Variants in WWOX observed in about 807,000 individuals in gnomAD.
WWOX encodes the protein WW domain containing oxidoreductase.
Under a neutral mutation model 46.2 loss-of-function variants are expected in WWOX, and 69 were observed. The ratio of observed to expected loss-of-function variants is 1.49; its 90% confidence interval spans 1.23 to 1.82. The LOEUF (loss-of-function observed/expected upper bound fraction) is 1.82. WWOX is among the 40% of genes most tolerant of loss of function. WWOX has a pLI of 0.00. For synonymous variants in WWOX, 359 were observed against 202.6 expected (o/e 1.77, Z -6.56); for missense variants, 919 against 542.6 (o/e 1.69, Z -6.89).
rs189472242 is a variant in WWOX at position 78,221,368 on chromosome 16, A to G, written c.516+57079A>G. Among the ~76,000 whole-genome samples, 435 of 152,334 alleles carry G rather than the reference A, an allele frequency of 2.9e-3. 2 individuals are homozygous for G. The highest frequency in any genetic ancestry group is 0.01 in the African/African-American group (417 of 41,584). Reference sequence around the variant, plus strand: ...GAGGAAGAAGGAAAAAGTGTAATATAAATACATAAAACTTCCTCTAGCTTT... The same window carrying G: ...GAGGAAGAAGGAAAAAGTGTAATATGAATACATAAAACTTCCTCTAGCTTT... On this transcript the variant is annotated intron_variant, in intron 5 of 8. Transcript: ENST00000566780.
At chr16:78,617,279 G>C (rs112758714) in intron 8 of WWOX, among the ~76,000 whole-genome samples, 3 of 151,954 alleles carry the variant, frequency 2.0e-5, no homozygotes, top group Admixed American at 6.6e-5. Flanking sequence ...GCGTGCACCT[G>C]TGGCCTCAGC....
At chr16:78,381,172 A>G (rs1208060324) in intron 5 of WWOX, among the ~76,000 whole-genome samples, 1 of 152,054 alleles carries the variant, frequency 6.6e-6, no homozygotes, top group East Asian at 1.9e-4. Context: ...CACTCCCCAT[A>G]TGGTTTCTTT....
chr16:78,141,032 G>A (rs2033967458), intron 4 of WWOX, among the ~76,000 whole-genome samples: 1 of 152,178 alleles, frequency 6.6e-6, no homozygotes, highest in African/African-American at 2.4e-5. Flanking sequence ...ACTTTCTTAT[G>A]GAGCATGATT....
intron 5 of WWOX, among the ~76,000 whole-genome samples, chr16:78,353,436 C>T (rs9932643): frequency 0.7 from 107,004 of 151,856 alleles, 38,530 homozygotes; most frequent in African/African-American, 0.76. Context: ...CCAAATCTAT[C>T]GATTAATAGA....
intron 8 of WWOX, among the ~76,000 whole-genome samples, chr16:79,043,386 G>A (rs987708116): frequency 6.6e-6 from 1 of 152,068 alleles, no homozygotes; most frequent in African/African-American, 2.4e-5. Context: ...TGTTCTTTGT[G>A]GATTCTGAGG....
intron 8 of WWOX, among the ~76,000 whole-genome samples, chr16:79,110,213 A>C (rs188452052): frequency 1.3e-5 from 2 of 152,152 alleles, no homozygotes; most frequent in African/African-American, 4.8e-5. Flanking sequence ...CTGATTGGCA[A>C]CCACCAGGCA....
chr16:78,128,616 A>G (rs1215215792), intron 4 of WWOX, among the ~76,000 whole-genome samples: 3 of 152,214 alleles, frequency 2.0e-5, no homozygotes, highest in Non-Finnish European at 2.9e-5. Flanking sequence ...TATAACATCA[A>G]CAGAATTGCT....
At chr16:78,710,864 C>G (rs2048430506) in intron 8 of WWOX, among the ~76,000 whole-genome samples, 8 of 151,998 alleles carry the variant, frequency 5.3e-5, no homozygotes, top group Admixed American at 5.2e-4. Flanking sequence ...CGATCCTACT[C>G]ACTCGGCCTC....
intron 8 of WWOX, among the ~76,000 whole-genome samples, chr16:78,773,418 G>C (rs567537828): frequency 5.3e-5 from 8 of 152,192 alleles, no homozygotes; most frequent in Admixed American, 1.3e-4. Context: ...TGGCTGCAGA[G>C]CGCAGACATT....
Position 78,339,791 on chromosome 16 carries a change from C to T in WWOX, c.517-47069C>T, listed in dbSNP as rs28725364. 2.3e-4 allele frequency among the ~76,000 whole-genome samples: 26 copies of T among 115,118 alleles called. 8 individuals are homozygous for T. Among genetic ancestry groups the T allele is most frequent in the Non-Finnish European group, 4.1e-4 (20 of 48,728 alleles). The allele number at this position is 115,118 out of a possible 152,430, so 75.5% of individuals were successfully genotyped here. ...CTCGGGAAGTACAAACCCTTGTGAC[C>T]GCTGTTCTCTTTCATTTCTATCTGC... On this transcript the variant is annotated intron_variant, in intron 5 of 8. Coordinates refer to ENST00000566780, the MANE Select transcript of WWOX (RefSeq NM_016373.4).
At chr16:79,020,510 C>G (rs1321666584) in intron 8 of WWOX, among the ~76,000 whole-genome samples, 1 of 152,164 alleles carries the variant, frequency 6.6e-6, no homozygotes, top group Non-Finnish European at 1.5e-5. Context: ...CAACAGTAAT[C>G]CAACCACAGT....
At chr16:78,653,914 G>A (rs1050725129) in intron 8 of WWOX, among the ~76,000 whole-genome samples, 4 of 152,270 alleles carry the variant, frequency 2.6e-5, no homozygotes, top group East Asian at 1.9e-4. Context: ...CTAATCACGC[G>A]AGAGGTCTGA....
At chr16:79,096,267 G>C (rs193269741) in intron 8 of WWOX, among the ~76,000 whole-genome samples, 6 of 152,092 alleles carry the variant, frequency 3.9e-5, no homozygotes, top group Admixed American at 6.6e-5. Context: ...AAATATGTTA[G>C]ATCACCTCTT....
At chr16:78,760,256 A>G in intron 8 of WWOX, among the ~76,000 whole-genome samples, 1 of 152,178 alleles carries the variant, frequency 6.6e-6, no homozygotes, top group Non-Finnish European at 1.5e-5. Flanking sequence ...CACTACCATG[A>G]GAACAATATG....
chr16:78,483,625 G>T (rs1214467212), intron 8 of WWOX, among the ~76,000 whole-genome samples: 1 of 152,084 alleles, frequency 6.6e-6, no homozygotes, highest in Non-Finnish European at 1.5e-5. Context: ...TACTTATACT[G>T]TGGGCTGCAT....
At chr16:78,129,638 G>C (rs931483448) in intron 4 of WWOX, among the ~76,000 whole-genome samples, 11 of 151,954 alleles carry the variant, frequency 7.2e-5, no homozygotes, top group African/African-American at 2.7e-4. Flanking sequence ...TGGTGGCCTG[G>C]AGCCTGGATC....
At chr16:78,654,917 A>G (rs2047047868) in intron 8 of WWOX, among the ~76,000 whole-genome samples, 1 of 152,074 alleles carries the variant, frequency 6.6e-6, no homozygotes, top group Non-Finnish European at 1.5e-5. Context: ...GTGCATGAGT[A>G]TCTTGATAAT....
intron 5 of WWOX, among the ~76,000 whole-genome samples, chr16:78,346,246 A>G (rs2151903200): frequency 8.2e-6 from 1 of 122,008 alleles, no homozygotes; most frequent in East Asian, 1.9e-4. Context: ...CATTGTGTGG[A>G]GAAATCACAT....
intron 8 of WWOX, among the ~76,000 whole-genome samples, chr16:79,142,603 C>T (rs1460381497): frequency 2.0e-5 from 3 of 152,218 alleles, no homozygotes; most frequent in South Asian, 2.1e-4. Context: ...TGAAAAATCA[C>T]AGAGTCCATT....
Sources: allele counts gnomAD v4.1 joint callset (sites outside exome capture counted in the v4.1 genomes callset), GRCh38; gene constraint gnomAD v4.1.1; transcripts MANE v1.5; gene names NCBI Gene and HGNC (gene_info 2026-07-23, HGNC 2026-07-21).